The following CNOT9 variants were observed in gnomAD, a reference collection of about 807,000 sequenced individuals.
The protein encoded by CNOT9 is RCD1 required for cell differentiation1 homolog.
Under a neutral mutation model 37.4 loss-of-function variants are expected in CNOT9, and 8 were observed. The ratio of observed to expected loss-of-function variants is 0.21; its 90% CI spans 0.13 to 0.39. CNOT9 has a LOEUF of 0.39. Among genes scored for constraint, CNOT9 ranks in the 10% least tolerant of loss-of-function variants. The pLI is 1.00. For synonymous variants in CNOT9, 120 were observed against 137.6 expected, an observed-to-expected ratio of 0.87 and a Z score of 0.90; for missense variants, 154 against 365.3, an observed-to-expected ratio of 0.42 and a Z score of 4.71.
chr2:218,582,561 G>C (rs1213629466), intron 2 of CNOT9, among the ~76,000 whole-genome samples: 5 of 152,128 alleles, frequency 3.3e-5, no homozygotes, highest in African/African-American at 1.2e-4. Flanking sequence ...GTGGTGGCAG[G>C]CGCCTGTAGT....
chr2:218,580,570 A>G lies in CNOT9; in HGVS notation c.34A>G (p.Thr12Ala), dbSNP rs778082401. 9 of 1,611,754 alleles carry G rather than the reference A, an allele frequency of 5.6e-6. No homozygotes were observed. The highest frequency in any genetic ancestry group is 1.3e-5 in the African/African-American group (1 of 74,854). ...TTGTCTTCATCTGAAGCCTGTGCCT[A>G]CTACACTGGCACAAGTGGATAGAGA... ...HSLATAAPVP[T>A]TLAQVDREKI... is the part of the protein sequence containing the mutation. Residue 12 changes from threonine (T) to alanine (A), a missense_variant, in exon 2 of 8, where the codon ACT becomes GCT. Coordinates refer to ENST00000273064, the MANE Select transcript of CNOT9 (RefSeq NM_005444.3).
chr2:218,592,914 C>T lies in CNOT9; in HGVS notation c.731+207C>T. 2 of 567,468 alleles carry T rather than the reference C, an allele frequency of 3.5e-6. No individual in the cohort carries two copies. Among genetic ancestry groups the T allele is most frequent in the Non-Finnish European group, 6.2e-6 (2 of 320,450 alleles). The allele number at this position is 567,468 out of a possible 1,614,324, so 35.2% of individuals were successfully genotyped here. On this transcript the variant is annotated intron_variant, in intron 7 of 7. Coordinates refer to ENST00000273064, the MANE Select transcript of CNOT9 (RefSeq NM_005444.3). The surrounding 1 kb of genome is among the most constrained non-coding windows in gnomAD (Gnocchi z 4.1). ...GTTTCATCTTCTCACTGTAACTCTC[C>T]ATCCTACTGTGAAATTCCAGAGAGT...
At chr2:218,594,019 T>C in intron 7 of CNOT9, 89 bp from the exon 8 acceptor site, 1 of 1,292,606 alleles carries the variant, frequency 7.7e-7, no homozygotes, top group Non-Finnish European at 1.1e-6. Flanking sequence ...ATTCTAAATA[T>C]TTATGTCTAA....
In CNOT9 at chr2:218,592,842, C is replaced by A. The variant is rs1052797372; in HGVS notation, c.731+135C>A. On this transcript the variant is annotated intron_variant, in intron 7 of 7. Transcript: ENST00000273064. The surrounding 1 kb of genome is among the most constrained non-coding windows in gnomAD (Gnocchi z 4.1). ...TGCATTTAGTTTGTCTGAGACAGAA[C>A]TTAGATTCTTTTAAAAATCTGAAAT... The A allele has an allele frequency of 4.4e-6, 3 of 679,058 alleles. No homozygotes were observed. Among genetic ancestry groups the A allele is most frequent in the Admixed American group, 2.9e-5 (1 of 34,838 alleles). The allele number at this position is 679,058 out of a possible 1,614,324, so 42.1% of individuals were successfully genotyped here.
chr2:218,569,362 C>T lies in CNOT9; in HGVS notation c.24+384C>T, dbSNP rs560133329. Among the ~76,000 whole-genome samples the T allele has an allele frequency of 9.8e-5, 15 of 152,302 alleles. No homozygotes were observed. In the East Asian group the frequency reaches 2.7e-3, roughly 27 times the overall value. On this transcript the variant is annotated intron_variant, in intron 1 of 7. Transcript: ENST00000273064. ...CGGCCCCTGCTCTTAGAACTCACCA[C>T]GTCGCAGCGGGAAGGAAATGGCTTC...
At chr2:218,570,742 C>G (rs1382353299) in intron 1 of CNOT9, among the ~76,000 whole-genome samples, 1 of 152,192 alleles carries the variant, frequency 6.6e-6, no homozygotes, top group East Asian at 1.9e-4. Context: ...GTAGCTATTC[C>G]TTTTATTTTC....
chr2:218,587,311 C>T lies in CNOT9; in HGVS notation c.431-275C>T, dbSNP rs181874537. ...CTAATTTTTGTATTTTTAGTAGAGACGGGGTTTCACCATGTTGGCCAGGCT... is the reference window on the plus strand; with the variant it reads ...CTAATTTTTGTATTTTTAGTAGAGATGGGGTTTCACCATGTTGGCCAGGCT... On this transcript the variant is annotated intron_variant, in intron 4 of 7. Transcript: ENST00000273064. 1.5e-3 allele frequency: 410 copies of T among 268,108 alleles called. 1 individual carries two copies. Among genetic ancestry groups the T allele is most frequent in the African/African-American group, 8.3e-3 (365 of 44,060 alleles). 16.6% of individuals were successfully genotyped at this position (268,108 alleles called of 1,614,324 possible).
chr2:218,581,512 G>A (rs75655859), intron 2 of CNOT9, among the ~76,000 whole-genome samples: 68 of 152,182 alleles, frequency 4.5e-4, no homozygotes, highest in African/African-American at 1.5e-3. Context: ...AGTATTAAAG[G>A]TGGGTACACT....
chr2:218,576,315 A>G (rs1694166300), intron 1 of CNOT9, among the ~76,000 whole-genome samples: 2 of 152,202 alleles, frequency 1.3e-5, no homozygotes, highest in Non-Finnish European at 2.9e-5. Flanking sequence ...AAATATAAGA[A>G]TATTTCCTTT....
intron 1 of CNOT9, among the ~76,000 whole-genome samples, chr2:218,578,224 T>C (rs996247244): frequency 3.3e-5 from 5 of 152,246 alleles, no homozygotes; most frequent in Non-Finnish European, 5.9e-5. Flanking sequence ...AGCAGATTAC[T>C]GTAAGGCACT....
At chr2:218,593,577 G>T (rs746352770) in intron 7 of CNOT9, 1 of 1,498,238 alleles carries the variant, frequency 6.7e-7, no homozygotes, top group Non-Finnish European at 8.9e-7. Flanking sequence ...AAAATGAAAC[G>T]TTTAAAAGTT....
chr2:218,585,873 C>T (rs12991012), intron 4 of CNOT9, among the ~76,000 whole-genome samples: 6,199 of 152,044 alleles, frequency 0.041, 164 homozygotes, highest in East Asian at 0.12. Context: ...AACTTCTGGG[C>T]TCAAGTGGTT....
intron 4 of CNOT9, among the ~76,000 whole-genome samples, chr2:218,586,544 A>C (rs1224172442): frequency 4.0e-5 from 6 of 149,418 alleles, no homozygotes; most frequent in Non-Finnish European, 8.9e-5. Flanking sequence ...GCTAGAGTGC[A>C]GTGGCATAAT....
chr2:218,573,146 C>T (rs1179479974), intron 1 of CNOT9, among the ~76,000 whole-genome samples: 5 of 151,860 alleles, frequency 3.3e-5, no homozygotes, highest in African/African-American at 7.3e-5. Flanking sequence ...AGTGAAACCC[C>T]GTCTTTGCTA....
At chr2:218,589,754 C>T (rs1694714224) in intron 5 of CNOT9, among the ~76,000 whole-genome samples, 1 of 152,192 alleles carries the variant, frequency 6.6e-6, no homozygotes, top group South Asian at 2.1e-4. Context: ...GCAGTCTTCC[C>T]ACTTCCCTCT....
intron 3 of CNOT9, among the ~76,000 whole-genome samples, chr2:218,584,108 T>C (rs1694508968): frequency 6.6e-6 from 1 of 152,248 alleles, no homozygotes; most frequent in Non-Finnish European, 1.5e-5. Flanking sequence ...TTAATAGCAT[T>C]TTGTGGTCTA....
chr2:218,576,450 G>A (rs995521813), intron 1 of CNOT9, among the ~76,000 whole-genome samples: 2 of 152,088 alleles, frequency 1.3e-5, no homozygotes, highest in African/African-American at 2.4e-5. Context: ...GTGACACAGG[G>A]AACTATGTGA....
chr2:218,584,477 G>A, intron 3 of CNOT9, 135 bp from the exon 4 acceptor site: 1 of 733,190 alleles, frequency 1.4e-6, no homozygotes, highest in Non-Finnish European at 2.5e-6. Flanking sequence ...CTAATGACCA[G>A]TAACATTGTT....
intron 2 of CNOT9, chr2:218,581,208 G>A (rs1235577981): frequency 1.4e-5 from 4 of 287,688 alleles, no homozygotes; most frequent in Admixed American, 4.2e-5. Context: ...TCGCTCTGTC[G>A]CCCAGACTAG....
Sources: gnomAD v4.1 joint callset for allele counts (sites outside exome capture counted in the v4.1 genomes callset) on GRCh38, gnomAD v4.1.1 for gene constraint, Gnocchi (gnomAD v3.1) non-coding constraint, MANE v1.5 for transcripts, NCBI Gene and HGNC (gene_info 2026-07-23, HGNC 2026-07-21) for gene names.